The following CSNK2A1 variants were observed in gnomAD, a reference collection of about 807,000 sequenced individuals.
The protein encoded by CSNK2A1 is casein kinase II subunit alpha.
Under a neutral mutation model 62.9 loss-of-function variants are expected in CSNK2A1, and 10 were observed. That is an observed-to-expected ratio of 0.16 (90% confidence interval 0.10 to 0.27). The LOEUF is 0.27. CSNK2A1 is among the 10% of genes least tolerant of loss of function. The pLI, the probability that CSNK2A1 is intolerant of heterozygous loss-of-function variation, is 1.00. For missense variants in CSNK2A1, 160 were observed against 492.0 expected (o/e 0.33, Z 6.38); for synonymous variants, 124 against 167.8 (o/e 0.74, Z 2.02).
At chr20:542,709 G>C (rs971384418) in intron 1 of CSNK2A1, among the ~76,000 whole-genome samples, 1 of 152,208 alleles carries the variant, frequency 6.6e-6, no homozygotes, top group African/African-American at 2.4e-5. Flanking sequence ...GGGATTACAG[G>C]CGTGAGCCAC....
chr20:533,735 C>T (rs1472856788), intron 1 of CSNK2A1, among the ~76,000 whole-genome samples: 1 of 152,174 alleles, frequency 6.6e-6, no homozygotes, highest in Non-Finnish European at 1.5e-5. Context: ...TACATTTCTC[C>T]ACCTTCAACC....
intron 10 of CSNK2A1, chr20:489,005 C>T (rs2018159819): frequency 1.3e-5 from 5 of 396,496 alleles, no homozygotes; most frequent in Non-Finnish European, 2.3e-5. Flanking sequence ...CCTTATTTTT[C>T]TCCCCTCAAA....
chr20:495,870 C>A (rs1217628701), intron 7 of CSNK2A1, 68 bp from the exon 8 acceptor site: 1 of 1,416,454 alleles, frequency 7.1e-7, no homozygotes, highest in Non-Finnish European at 1.0e-6. Context: ...CTTTTCCCTC[C>A]ATGTAAATTT....
intron 1 of CSNK2A1, among the ~76,000 whole-genome samples, chr20:530,774 T>C (rs2019196574): frequency 6.6e-6 from 1 of 152,166 alleles, no homozygotes; most frequent in Non-Finnish European, 1.5e-5. Flanking sequence ...GTGCCCAGCC[T>C]TCACACTGTT....
At chr20:520,681 G>T (rs963705105) in intron 2 of CSNK2A1, among the ~76,000 whole-genome samples, 5 of 152,084 alleles carry the variant, frequency 3.3e-5, no homozygotes, top group Non-Finnish European at 7.4e-5. Context: ...TGTATTTTTA[G>T]TAGAGACAGG....
At position 485,138 on chromosome 20, in the gene CSNK2A1, G is replaced by A. The variant is rs866777392; in HGVS notation, c.1061-1062C>T. On this transcript the variant is annotated intron_variant, in intron 13 of 13. Transcript: ENST00000217244. ...TATATATATATATATATATATATAT[G>A]AGAACATTATTATACATTCTTCTCC... Among the ~76,000 whole-genome samples the A allele has an allele frequency of 3.2e-3, 184 of 57,686 alleles. 4 individuals carry two copies. The highest frequency in any genetic ancestry group is 9.8e-3 in the African/African-American group (158 of 16,092). The allele number at this position is 57,686 out of a possible 152,430, so 37.8% of individuals were successfully genotyped here.
At position 485,108 on chromosome 20, in the gene CSNK2A1, A is replaced by T. The variant is rs1436817203; in HGVS notation, c.1061-1032T>A. Among the ~76,000 whole-genome samples the T allele has an allele frequency of 2.4e-3, 104 of 43,528 alleles. 1 individual carries two copies. Among genetic ancestry groups the T allele is most frequent in the African/African-American group, 4.3e-3 (51 of 11,934 alleles). The allele number at this position is 43,528 out of a possible 152,430, so 28.6% of individuals were successfully genotyped here. ...AAAAAAAAAAAAAAAAAAAAAAAAA[A>T]AATATATATATATATATATATATAT... On this transcript the variant is annotated intron_variant, in intron 13 of 13. Coordinates refer to ENST00000217244, the MANE Select transcript of CSNK2A1 (RefSeq NM_177559.3).
At chr20:543,423 C>T (rs1235356338) in intron 1 of CSNK2A1, among the ~76,000 whole-genome samples, 1 of 151,700 alleles carries the variant, frequency 6.6e-6, no homozygotes, top group East Asian at 2.0e-4. Flanking sequence ...AAGCTGGACT[C>T]CGGCAGCCGG....
chr20:485,101 A>ATTTATATATATATATAT (rs2018057838), intron 13 of CSNK2A1, among the ~76,000 whole-genome samples: 1 of 31,864 alleles, frequency 3.1e-5, no homozygotes. Flanking sequence ...AAAAAAAAAA[A>ATTTATATATATATATAT]AAAAAAAAAT....
intron 1 of CSNK2A1, among the ~76,000 whole-genome samples, chr20:537,963 CTTT>C (rs60811807): frequency 5.7e-5 from 8 of 141,312 alleles, no homozygotes; most frequent in Non-Finnish European, 7.7e-5. Flanking sequence ...CAGTTAACAT[CTTT>C]TTTTTTTTTT....
chr20:518,179 A>G (rs985353931), intron 2 of CSNK2A1, among the ~76,000 whole-genome samples: 1 of 152,234 alleles, frequency 6.6e-6, no homozygotes, highest in Admixed American at 6.5e-5. Flanking sequence ...AAAAGGGAAT[A>G]GAAAATGCAA....
chr20:490,781 C>A (rs1316211534), intron 9 of CSNK2A1, among the ~76,000 whole-genome samples: 3 of 149,286 alleles, frequency 2.0e-5, no homozygotes, highest in African/African-American at 7.4e-5. Context: ...TCATAGCTCA[C>A]TGCAGCCTCC....
chr20:495,321 C>T (rs1051147791), intron 8 of CSNK2A1: 7 of 169,222 alleles, frequency 4.1e-5, no homozygotes, highest in Non-Finnish European at 7.7e-5. Flanking sequence ...CTGTATATCT[C>T]GTCCACTTAA....
At position 478,123 on chromosome 20, in the gene CSNK2A1, G is replaced by A. The variant is rs765101111; in HGVS notation, c.*5838C>T. 1 of 152,058 alleles carries A rather than the reference G, an allele frequency of 6.6e-6. No homozygotes were observed. The highest frequency in any genetic ancestry group is 2.4e-5 in the African/African-American group (1 of 41,324). The allele number at this position is 152,058 out of a possible 1,614,324, so 9.4% of individuals were successfully genotyped here. ...CTTGTGTCTCACCTCTCAATCCCCA[G>A]TGTATAGCAAAGACCAGGCTCAGGG... On this transcript the variant is annotated 3_prime_UTR_variant, in exon 14 of 14. Coordinates refer to ENST00000217244, the MANE Select transcript of CSNK2A1 (RefSeq NM_177559.3).
intron 1 of CSNK2A1, among the ~76,000 whole-genome samples, chr20:530,227 C>T (rs763899844): frequency 8.5e-5 from 13 of 152,184 alleles, no homozygotes; most frequent in Non-Finnish European, 1.8e-4. Flanking sequence ...CTATTATGGA[C>T]ATTTCACATA....
At chr20:508,410 GC>G in intron 3 of CSNK2A1, 40 bp downstream of exon 3, 1 of 1,603,840 alleles carries the variant, frequency 6.2e-7, no homozygotes, top group Non-Finnish European at 8.5e-7. Flanking sequence ...ACAAGATTCA[GC>G]CCTTTGAGTG....
chr20:539,030 C>T (rs1568574665), intron 1 of CSNK2A1, among the ~76,000 whole-genome samples: 2 of 152,268 alleles, frequency 1.3e-5, no homozygotes, highest in Middle Eastern at 3.4e-3. Context: ...ACCATTATTC[C>T]GTGGAGTCTT....
chr20:490,021 C>A, intron 9 of CSNK2A1, 140 bp from the exon 10 acceptor site: 1 of 625,244 alleles, frequency 1.6e-6, no homozygotes, highest in Non-Finnish European at 2.5e-6. Flanking sequence ...TCATATATTT[C>A]TTTTTAGTCT....
intron 4 of CSNK2A1, chr20:503,316 C>A: frequency 2.5e-6 from 1 of 394,736 alleles, no homozygotes; most frequent in Non-Finnish European, 4.5e-6. Flanking sequence ...AGCCAACATT[C>A]TTTTTAATAG....
Sources: gnomAD v4.1 joint callset for allele counts (sites outside exome capture counted in the v4.1 genomes callset) on GRCh38, gnomAD v4.1.1 for gene constraint, MANE v1.5 for transcripts, NCBI Gene and HGNC (gene_info 2026-07-23, HGNC 2026-07-21) for gene names.